The following SLC4A10 variants were observed in gnomAD, a reference collection of about 807,000 sequenced individuals.
The protein encoded by SLC4A10 is solute carrier family 4 member 10.
Under a neutral mutation model 137.7 loss-of-function variants are expected in SLC4A10, and 42 were observed. The observed-to-expected ratio is 0.30, with a 90% confidence interval of 0.24 to 0.39. The LOEUF is 0.39. SLC4A10 is among the 10% of genes least tolerant of loss of function. The pLI is 1.00. For missense variants in SLC4A10, 925 were observed against 1,355.0 expected, an observed-to-expected ratio of 0.68 and a Z score of 4.98; for synonymous variants, 474 against 464.1, an observed-to-expected ratio of 1.02 and a Z score of -0.27.
At chr2:161,710,765 A>G (rs779503355) in intron 1 of SLC4A10, 30 of 452,910 alleles carry the variant, frequency 6.6e-5, no homozygotes, top group South Asian at 3.9e-4. Context: ...AGCTGCCTAT[A>G]AAAACTATTT....
chr2:161,674,153 G>A (rs1009631299), intron 1 of SLC4A10, among the ~76,000 whole-genome samples: 4 of 152,264 alleles, frequency 2.6e-5, no homozygotes, highest in Non-Finnish European at 4.4e-5. Flanking sequence ...CAACTCCTAA[G>A]AAGGCAGTGT....
chr2:161,837,591 G>T (rs72879263), intron 3 of SLC4A10, among the ~76,000 whole-genome samples: 8,785 of 152,148 alleles, frequency 0.058, 351 homozygotes, highest in Non-Finnish European at 0.08. Context: ...AGAAAAACTT[G>T]TTCTAAAATG....
At chr2:161,836,532 GAAAGAAAGAAAGAA>G (rs778200539) in intron 3 of SLC4A10, among the ~76,000 whole-genome samples, 15 of 9,068 alleles carry the variant, frequency 1.7e-3, no homozygotes, top group African/African-American at 2.1e-3. Flanking sequence ...GAGAGAGAGA[GAAAGAAAGAAAGAA>G]AGAAAGAAAG....
chr2:161,774,458 C>T (rs1445008785), intron 2 of SLC4A10, among the ~76,000 whole-genome samples: 1 of 151,798 alleles, frequency 6.6e-6, no homozygotes, highest in Non-Finnish European at 1.5e-5. Context: ...CACCAATATT[C>T]CCCTTTGAGG....
intron 11 of SLC4A10, among the ~76,000 whole-genome samples, chr2:161,899,570 T>A (rs1369162564): frequency 6.6e-6 from 1 of 152,142 alleles, no homozygotes; most frequent in Non-Finnish European, 1.5e-5. Context: ...TTAATATATG[T>A]TCTTTACTTG....
intron 15 of SLC4A10, among the ~76,000 whole-genome samples, chr2:161,917,472 A>G (rs1315715716): frequency 4.0e-5 from 6 of 151,814 alleles, no homozygotes; most frequent in African/African-American, 1.5e-4. Flanking sequence ...GTGTATGTTT[A>G]ACTTTATAGG....
chr2:161,707,294 T>A (rs1275165117), intron 1 of SLC4A10, among the ~76,000 whole-genome samples: 1 of 151,446 alleles, frequency 6.6e-6, no homozygotes, highest in Non-Finnish European at 1.5e-5. Context: ...TCATTGTGAC[T>A]AGTCTCCATC....
chr2:161,885,071 G>A (rs947414455), intron 10 of SLC4A10, among the ~76,000 whole-genome samples: 4 of 152,152 alleles, frequency 2.6e-5, no homozygotes, highest in Non-Finnish European at 4.4e-5. Flanking sequence ...CCAGCTACTT[G>A]AGAGGCTGAG....
intron 15 of SLC4A10, among the ~76,000 whole-genome samples, chr2:161,916,026 G>A (rs920013799): frequency 3.9e-5 from 6 of 152,140 alleles, no homozygotes; most frequent in Non-Finnish European, 8.8e-5. Flanking sequence ...CAAGGGAGTG[G>A]CCATCTGTAA....
At chr2:161,860,877 G>A (rs1005696769) in intron 5 of SLC4A10, among the ~76,000 whole-genome samples, 22 of 152,166 alleles carry the variant, frequency 1.4e-4, no homozygotes, top group African/African-American at 4.3e-4. Context: ...TAGGGCATTT[G>A]AGCTAAGAAT....
chr2:161,902,391 T>C (rs1225458432), intron 12 of SLC4A10, among the ~76,000 whole-genome samples: 1 of 152,136 alleles, frequency 6.6e-6, no homozygotes, highest in African/African-American at 2.4e-5. Context: ...CATAAATGAA[T>C]GCCTAAATAG....
intron 1 of SLC4A10, among the ~76,000 whole-genome samples, chr2:161,671,069 T>C (rs1179501479): frequency 1.3e-5 from 2 of 152,164 alleles, no homozygotes; most frequent in Non-Finnish European, 2.9e-5. Flanking sequence ...TCTGAACGTG[T>C]CTCCCAAAAT....
chr2:161,808,268 ATTTTGATCCCTC>A (rs1342055635), intron 3 of SLC4A10, among the ~76,000 whole-genome samples: 2 of 151,904 alleles, frequency 1.3e-5, no homozygotes, highest in Non-Finnish European at 2.9e-5. Flanking sequence ...TTTTCGATTT[ATTTTGATCCCTC>A]TTTTATATTT....
intron 1 of SLC4A10, among the ~76,000 whole-genome samples, chr2:161,690,895 T>TGTGTAACAA: frequency 6.6e-6 from 1 of 152,128 alleles, no homozygotes; most frequent in East Asian, 1.9e-4. Flanking sequence ...GGCACCCATT[T>TGTGTAACAA]ACCTGTGTAA....
intron 1 of SLC4A10, among the ~76,000 whole-genome samples, chr2:161,709,169 T>C (rs1359116298): frequency 6.6e-6 from 1 of 151,562 alleles, no homozygotes; most frequent in African/African-American, 2.4e-5. Flanking sequence ...AATCTTTATA[T>C]TTTACTTCAA....
chr2:161,747,831 A>C (rs965955130), intron 1 of SLC4A10, among the ~76,000 whole-genome samples: 12 of 152,196 alleles, frequency 7.9e-5, no homozygotes, highest in Admixed American at 7.2e-4. Context: ...TTGATGGATC[A>C]TATGGTAATT....
chr2:161,755,549 A>C (rs545821999), intron 1 of SLC4A10, among the ~76,000 whole-genome samples: 1 of 152,180 alleles, frequency 6.6e-6, no homozygotes, highest in Non-Finnish European at 1.5e-5. Flanking sequence ...TTAAGCCAAC[A>C]CCACCCTCTC....
At chr2:161,949,762 G>C (rs904759147) in intron 18 of SLC4A10, among the ~76,000 whole-genome samples, 1 of 151,424 alleles carries the variant, frequency 6.6e-6, no homozygotes, top group African/African-American at 2.4e-5. Context: ...AATGAGATAT[G>C]TTTGGGGTGG....
chr2:161,894,912 T>C, intron 11 of SLC4A10, 87 bp downstream of exon 11: 1 of 770,106 alleles, frequency 1.3e-6, no homozygotes, highest in Non-Finnish European at 1.7e-6. Context: ...TATTTATTTA[T>C]TTATTTTATT....
Sources: gnomAD v4.1 joint callset for allele counts (sites outside exome capture counted in the v4.1 genomes callset) on GRCh38, gnomAD v4.1.1 for gene constraint, MANE v1.5 for transcripts, NCBI Gene and HGNC (gene_info 2026-07-23, HGNC 2026-07-21) for gene names.